COMMD1: variants seen among roughly 807,000 people sequenced by gnomAD.
The protein encoded by COMMD1 is copper metabolism domain containing 1.
A neutral mutation model predicts 17.2 loss-of-function variants in COMMD1; 10 were observed. The ratio of observed to expected loss-of-function variants is 0.58; its 90% CI spans 0.36 to 0.99. COMMD1 has a LOEUF of 0.99. COMMD1 is among the 50% of genes least tolerant of loss of function. The pLI, the probability that COMMD1 is intolerant of heterozygous loss-of-function variation, is 0.01. For missense variants in COMMD1, 270 were observed against 231.8 expected, an observed-to-expected ratio of 1.17 and a Z score of -1.07; for synonymous variants, 97 against 91.6, an observed-to-expected ratio of 1.06 and a Z score of -0.34.
chr2:62,005,908 C>T (rs959490981), intron 2 of COMMD1, among the ~76,000 whole-genome samples: 13 of 151,560 alleles, frequency 8.6e-5, no homozygotes, highest in African/African-American at 1.2e-4. Context: ...ATGTTTACTG[C>T]GGCACTATTC....
At chr2:61,922,567 C>T (rs976499476) in intron 1 of COMMD1, among the ~76,000 whole-genome samples, 4 of 152,124 alleles carry the variant, frequency 2.6e-5, no homozygotes, top group Admixed American at 6.6e-5. Context: ...CCACCCGCCT[C>T]GGCCTCTTAA....
At chr2:61,924,990 G>GT (rs1260499620) in intron 1 of COMMD1, among the ~76,000 whole-genome samples, 2 of 152,196 alleles carry the variant, frequency 1.3e-5, no homozygotes, top group African/African-American at 4.8e-5. Flanking sequence ...CGAGTGCTGG[G>GT]TCTTTCAGAA....
chr2:61,892,875 T>G (rs1393640811), intron 1 of COMMD1, among the ~76,000 whole-genome samples: 1 of 151,762 alleles, frequency 6.6e-6, no homozygotes, highest in Non-Finnish European at 1.5e-5. Flanking sequence ...CGTTCTTTTT[T>G]TTTCCCCCCT....
chr2:62,124,387 G>T (rs1438188169), intron 2 of COMMD1, among the ~76,000 whole-genome samples: 1 of 152,162 alleles, frequency 6.6e-6, no homozygotes, highest in Admixed American at 6.6e-5. Flanking sequence ...CTGTGATATG[G>T]TCACATTAAC....
intron 1 of COMMD1, among the ~76,000 whole-genome samples, chr2:61,955,450 T>C (rs1482950041): frequency 6.6e-6 from 1 of 152,182 alleles, no homozygotes; most frequent in Admixed American, 6.6e-5. Context: ...TCTTTTCTTT[T>C]GAACTGCGTA....
intron 2 of COMMD1, among the ~76,000 whole-genome samples, chr2:62,073,396 C>G (rs1318926015): frequency 6.6e-6 from 1 of 152,192 alleles, no homozygotes; most frequent in East Asian, 1.9e-4. Context: ...ACCTTGACCT[C>G]CACCATCCTC....
chr2:61,995,132 G>T (rs185439382), intron 1 of COMMD1, among the ~76,000 whole-genome samples: 24 of 152,074 alleles, frequency 1.6e-4, no homozygotes, highest in African/African-American at 5.8e-4. Flanking sequence ...TTAAAAGAGA[G>T]ACAGGGTTTT....
rs1669758502 is a variant in COMMD1, at chr2:61,905,850, A to T, written c.172A>T (p.Ile58Phe). ...FRPFLAKMRGILKSIASADMD... is the reference protein window; with the variant it reads ...FRPFLAKMRGFLKSIASADMD... ...CCCCTTTCTGGCAAAGATGAGGGGG[A>T]TTCTTAAGGTACTGCTCTTTTCTGT... is the stretch of plus-strand genomic sequence containing the variant. The change falls in exon 1 of 3, where the codon ATT becomes TTT. Residue 58 changes from isoleucine to phenylalanine, a missense_variant. Coordinates refer to ENST00000311832, the MANE Select transcript of COMMD1 (RefSeq NM_152516.4). 2 of 1,613,844 alleles carry T rather than the reference A, an allele frequency of 1.2e-6. No individual in the cohort carries two copies. Among genetic ancestry groups the T allele is most frequent in the Non-Finnish European group, 1.7e-6 (2 of 1,179,990 alleles).
intron 2 of COMMD1, among the ~76,000 whole-genome samples, chr2:62,114,675 T>A (rs150221215): frequency 1.3e-5 from 2 of 151,972 alleles, no homozygotes; most frequent in Admixed American, 1.3e-4. Flanking sequence ...CAGACTGGAG[T>A]CTTGTTTGTG....
intron 2 of COMMD1, among the ~76,000 whole-genome samples, chr2:62,039,222 A>G (rs1453492907): frequency 6.6e-6 from 1 of 152,190 alleles, no homozygotes; most frequent in Non-Finnish European, 1.5e-5. Context: ...CTTTCCTTCA[A>G]GCAGAGAATA....
At chr2:61,994,359 T>C (rs1668686083) in intron 1 of COMMD1, among the ~76,000 whole-genome samples, 1 of 152,180 alleles carries the variant, frequency 6.6e-6, no homozygotes, top group East Asian at 1.9e-4. Context: ...ATTCAGTAAA[T>C]GTTTATTGAA....
intron 2 of COMMD1, among the ~76,000 whole-genome samples, chr2:62,122,935 A>G (rs67093838): frequency 0.035 from 5,261 of 152,332 alleles, 143 homozygotes; most frequent in Middle Eastern, 0.061. Context: ...GAACCACAGC[A>G]GTAGGAGGGT....
intron 1 of COMMD1, among the ~76,000 whole-genome samples, chr2:61,958,877 T>C (rs1037442567): frequency 2.6e-5 from 4 of 152,334 alleles, no homozygotes; most frequent in Non-Finnish European, 4.4e-5. Context: ...TTGTTGATAG[T>C]ACTTCAGTTC....
At chr2:62,099,107 G>T (rs1167164738) in intron 2 of COMMD1, among the ~76,000 whole-genome samples, 1 of 152,204 alleles carries the variant, frequency 6.6e-6, no homozygotes, top group Admixed American at 6.5e-5. Context: ...TGAGGCAAGG[G>T]AGTAGGGGAG....
chr2:61,930,571 A>C (rs1283651201), intron 1 of COMMD1, among the ~76,000 whole-genome samples: 1 of 151,908 alleles, frequency 6.6e-6, no homozygotes, highest in Non-Finnish European at 1.5e-5. Context: ...GAAAATAATA[A>C]AAAATAATGA....
At chr2:62,104,985 C>T (rs1031895426) in intron 2 of COMMD1, among the ~76,000 whole-genome samples, 1 of 151,830 alleles carries the variant, frequency 6.6e-6, no homozygotes, top group Non-Finnish European at 1.5e-5. Context: ...ATTAGCCAGG[C>T]ATGATGGCAC....
At chr2:61,910,835 G>A (rs763750605) in intron 1 of COMMD1, among the ~76,000 whole-genome samples, 2 of 152,150 alleles carry the variant, frequency 1.3e-5, no homozygotes, top group Non-Finnish European at 2.9e-5. Flanking sequence ...TGTCATCCCA[G>A]CACTTTGGGA....
At chr2:61,942,207 G>T (rs1231550520) in intron 1 of COMMD1, among the ~76,000 whole-genome samples, 3 of 151,778 alleles carry the variant, frequency 2.0e-5, no homozygotes, top group Non-Finnish European at 4.4e-5. Context: ...AGGTTCAAGC[G>T]ATTCTCCTGC....
At chr2:61,915,249 G>A (rs577938821) in intron 1 of COMMD1, among the ~76,000 whole-genome samples, 6 of 151,986 alleles carry the variant, frequency 3.9e-5, no homozygotes, top group South Asian at 4.2e-4. Flanking sequence ...CAAGTGAACC[G>A]CCTGCCTTGG....
Sources: allele counts gnomAD v4.1 joint callset (sites outside exome capture counted in the v4.1 genomes callset), GRCh38; gene constraint gnomAD v4.1.1; transcripts MANE v1.5; gene names NCBI Gene and HGNC (gene_info 2026-07-23, HGNC 2026-07-21).